DUSP29: variants seen among roughly 807,000 people sequenced by gnomAD.
The protein encoded by DUSP29 is atypical dual-specific protein phosphatase.
Under a neutral mutation model 13.5 loss-of-function variants are expected in DUSP29, and 12 were observed. The observed-to-expected ratio is 0.89, with a 90% CI of 0.57 to 1.44. DUSP29 has a LOEUF of 1.44. DUSP29 is among the 40% of genes most tolerant of loss of function. The pLI is 0.00. For synonymous variants in DUSP29, 134 were observed against 128.7 expected (o/e 1.04, Z -0.28); for missense variants, 308 against 301.1 (o/e 1.02, Z -0.17).
intron 2 of DUSP29, among the ~76,000 whole-genome samples, chr10:75,046,867 G>A (rs1470246598): frequency 6.6e-6 from 1 of 152,204 alleles, no homozygotes; most frequent in East Asian, 1.9e-4. Context: ...TCACTTTGAG[G>A]TTGAGCTCAG....
intron 2 of DUSP29, among the ~76,000 whole-genome samples, chr10:75,047,675 G>C (rs1846734120): frequency 6.6e-6 from 1 of 152,276 alleles, no homozygotes; most frequent in African/African-American, 2.4e-5. Context: ...AGGAGCTTTA[G>C]TTTCTGGTTA....
At chr10:75,043,737 C>T (rs1846637101) in intron 3 of DUSP29, 60 bp downstream of exon 3, 1 of 1,181,166 alleles carries the variant, frequency 8.5e-7, no homozygotes, top group Admixed American at 3.1e-5. Context: ...AAGCTACGGG[C>T]GGGGCGAGTC....
At chr10:75,069,225 C>T (rs1564647150) in intron 1 of DUSP29, among the ~76,000 whole-genome samples, 1 of 152,168 alleles carries the variant, frequency 6.6e-6, no homozygotes, top group Non-Finnish European at 1.5e-5. Context: ...CCCGGAAGCC[C>T]TGAGGAGGCT....
intron 3 of DUSP29, 115 bp from the exon 4 acceptor site, chr10:75,038,192 A>T (rs1210749175): frequency 7.4e-7 from 1 of 1,353,482 alleles, no homozygotes; most frequent in African/African-American, 1.5e-5. Context: ...GTGACTCAGC[A>T]CTGTGCCCCA....
At chr10:75,068,720 A>G (rs1488178853) in intron 1 of DUSP29, among the ~76,000 whole-genome samples, 2 of 152,194 alleles carry the variant, frequency 1.3e-5, no homozygotes, top group Non-Finnish European at 2.9e-5. Context: ...AGTAATACCT[A>G]CTGCTAGGGT....
At chr10:75,045,549 TG>T (rs1242422848) in intron 2 of DUSP29, among the ~76,000 whole-genome samples, 16 of 152,066 alleles carry the variant, frequency 1.1e-4, no homozygotes, top group Admixed American at 1.0e-3. Context: ...AAGGCCACTG[TG>T]GGGAGGTGGT....
intron 2 of DUSP29, among the ~76,000 whole-genome samples, chr10:75,048,754 G>A (rs1011363785): frequency 2.0e-5 from 3 of 152,110 alleles, no homozygotes; most frequent in Non-Finnish European, 2.9e-5. Flanking sequence ...ATCTGATCTC[G>A]GTTAGTTCAC....
intron 2 of DUSP29, among the ~76,000 whole-genome samples, chr10:75,055,261 C>T (rs576851331): frequency 1.3e-4 from 19 of 151,884 alleles, no homozygotes; most frequent in South Asian, 6.2e-4. Context: ...TAATAAGCAT[C>T]GCTGCACATA....
intron 2 of DUSP29, among the ~76,000 whole-genome samples, chr10:75,051,407 A>C (rs1846826511): frequency 6.6e-6 from 1 of 152,262 alleles, no homozygotes; most frequent in South Asian, 2.1e-4. Flanking sequence ...ACAAAGCCTG[A>C]GTGACTTGCC....
At chr10:75,047,879 G>T (rs1400050789) in intron 2 of DUSP29, among the ~76,000 whole-genome samples, 1 of 152,170 alleles carries the variant, frequency 6.6e-6, no homozygotes, top group Non-Finnish European at 1.5e-5. Flanking sequence ...GTTTCTCTAT[G>T]CATAGATTTG....
chr10:75,043,821 C>G lies in DUSP29; in HGVS notation c.397G>C (p.Asp133His), dbSNP rs369759373. The G allele has an allele frequency of 4.0e-5, 64 of 1,613,474 alleles. No individual in the cohort carries two copies. Among genetic ancestry groups the G allele is most frequent in the Non-Finnish European group, 4.2e-5 (50 of 1,179,904 alleles). ...CTGTGGTCGTCGCTTAGCGCTCTGT[C>G]GATGAAGGCTGCCGCCGGGTAGAAG... ...VFFYPAAAFIDRALSDDHSKI... is the reference protein window; with the variant it reads ...VFFYPAAAFIHRALSDDHSKI... Residue 133 changes from aspartate to histidine, a missense_variant, in exon 3 of 4, where the codon GAC becomes CAC. Asp to His is a moderately conservative substitution (Grantham distance 81). Coordinates refer to ENST00000338487, the MANE Select transcript of DUSP29 (RefSeq NM_001003892.3).
At position 75,043,969 on chromosome 10, in the gene DUSP29, G is replaced by A. The variant is rs749044440; in HGVS notation, c.249C>T (p.His83=). The A allele has an allele frequency of 6.2e-7, 1 of 1,613,140 alleles. No homozygotes were observed. The highest frequency in any genetic ancestry group is 2.2e-5 in the East Asian group (1 of 44,880). Residue 83 remains histidine, a synonymous_variant, in exon 3 of 4, where the codon CAC becomes CAT. Coordinates refer to ENST00000338487, the MANE Select transcript of DUSP29 (RefSeq NM_001003892.3). ...RYRLQKAGFT[H]VLNAAHGRWN... is the part of the protein sequence containing the mutation. Reference sequence around the variant, plus strand: ...AGCGGCCGTGGGCCGCGTTCAGCACGTGCGTGAACCCCGCCTTCTGCAGCC... The same window carrying A: ...AGCGGCCGTGGGCCGCGTTCAGCACATGCGTGAACCCCGCCTTCTGCAGCC...
At chr10:75,052,949 T>A (rs920043829) in intron 2 of DUSP29, among the ~76,000 whole-genome samples, 1 of 152,234 alleles carries the variant, frequency 6.6e-6, no homozygotes, top group East Asian at 1.9e-4. Flanking sequence ...AAAAATGGCA[T>A]GTGTCACTTC....
intron 3 of DUSP29, among the ~76,000 whole-genome samples, chr10:75,038,459 G>A (rs1846514851): frequency 6.6e-6 from 1 of 152,190 alleles, no homozygotes; most frequent in African/African-American, 2.4e-5. Context: ...CGCTCCTGGG[G>A]TGTGAACGTG....
chr10:75,043,347 G>C (rs1430760592), intron 3 of DUSP29, among the ~76,000 whole-genome samples: 4 of 152,236 alleles, frequency 2.6e-5, no homozygotes, highest in Admixed American at 2.6e-4. Flanking sequence ...GGCACAATTA[G>C]TGTCTCCGGC....
At chr10:75,057,571 G>A (rs1846987794) in intron 2 of DUSP29, among the ~76,000 whole-genome samples, 1 of 152,196 alleles carries the variant, frequency 6.6e-6, no homozygotes, top group South Asian at 2.1e-4. Flanking sequence ...AGAGTAAAAT[G>A]AGATCATGCA....
intron 1 of DUSP29, among the ~76,000 whole-genome samples, chr10:75,062,116 C>T (rs558725063): frequency 3.3e-5 from 5 of 152,308 alleles, no homozygotes; most frequent in East Asian, 1.9e-4. Flanking sequence ...ATCTTTCTCA[C>T]AGAAACGAGC....
intron 1 of DUSP29, among the ~76,000 whole-genome samples, chr10:75,063,191 G>C (rs1396532926): frequency 3.3e-5 from 5 of 152,210 alleles, no homozygotes; most frequent in African/African-American, 1.2e-4. Context: ...TCCCATGTGG[G>C]AATGCAAGCC....
intron 1 of DUSP29, among the ~76,000 whole-genome samples, chr10:75,064,464 C>G (rs1484414549): frequency 1.3e-5 from 2 of 152,154 alleles, no homozygotes; most frequent in African/African-American, 4.8e-5. Context: ...ACCGAGATCG[C>G]GCCACTGCAC....
Sources: allele counts gnomAD v4.1 joint callset (sites outside exome capture counted in the v4.1 genomes callset), GRCh38; gene constraint gnomAD v4.1.1; transcripts MANE v1.5; gene names NCBI Gene and HGNC (gene_info 2026-07-23, HGNC 2026-07-21).